Variants in AMZ1 observed in about 807,000 individuals in gnomAD.
The protein encoded by AMZ1 is archaelysin family metallopeptidase 1, also known as archaemetzincin-1.
AMZ1 carries 39 observed loss-of-function variants against 29.9 expected under a neutral mutation model. That is an observed-to-expected ratio of 1.30 (90% CI 1.01 to 1.70). The LOEUF is 1.70. AMZ1 is among the 40% of genes most tolerant of loss of function. The probability of loss-of-function intolerance (pLI) is 0.00; values close to 1 mark genes in which losing one functional copy is unlikely to be tolerated. For synonymous variants in AMZ1, 458 were observed against 304.0 expected (o/e 1.51, Z -5.27); for missense variants, 1,041 against 680.6 (o/e 1.53, Z -5.89).
downstream of AMZ1, among the ~76,000 whole-genome samples, chr7:2,723,719 G>C (rs1301963663): frequency 6.6e-6 from 1 of 152,230 alleles, no homozygotes; most frequent in African/African-American, 2.4e-5. Context: ...CAACGATGGA[G>C]GCCTGCAGGT....
At position 2,728,478 on chromosome 7, in the gene AMZ1, G is replaced by T. The variant is rs11552942; in HGVS notation, n.550+18662G>T. ...AAAATCCTTGAAACAATTTCTCTAC[G>T]AACATAAGAGTTAAAAATAGATTTC... On this transcript the variant is annotated intron_variant and non_coding_transcript_variant, in intron 4 of 4. Coordinates refer to the AMZ1 transcript ENST00000489665. 1,193 of 152,206 alleles carry T rather than the reference G, an allele frequency of 7.8e-3. 9 individuals are homozygous for T. Among genetic ancestry groups the T allele is most frequent in the Middle Eastern group, 0.031 (9 of 294 alleles). 9.4% of individuals were successfully genotyped at this position (152,206 alleles called of 1,614,324 possible). A position where few individuals can be genotyped will look rare whatever the true frequency, so the allele number is the denominator to read the frequency against.
rs925929048 is a variant in AMZ1 at position 2,715,938 on chromosome 7, A to G, written c.*3060A>G. The stretch of plus-strand genomic sequence containing the variant: ...TTCTTTCAGTTTTTAAACACGTGCA[A>G]AGTCCACTGAATTGCTTTCTCGTCT... On this transcript the variant is annotated 3_prime_UTR_variant, in exon 7 of 7. Transcript: ENST00000683327. 1.3e-5 allele frequency: 2 copies of G among 152,192 alleles called. No individual in the cohort carries two copies. Among genetic ancestry groups the G allele is most frequent in the Admixed American group, 6.5e-5 (1 of 15,280 alleles). The allele number at this position is 152,192 out of a possible 1,614,324, so 9.4% of individuals were successfully genotyped here. A position where few individuals can be genotyped will look rare whatever the true frequency, so the allele number is the denominator to read the frequency against.
intron 1 of AMZ1, among the ~76,000 whole-genome samples, chr7:2,694,833 T>C (rs942453184): frequency 4.1e-4 from 63 of 151,992 alleles, no homozygotes; most frequent in African/African-American, 1.5e-3. Flanking sequence ...CCACCACGCC[T>C]GGCTAATTTT....
chr7:2,734,798 C>T (rs1583207814), intron 4 of AMZ1, among the ~76,000 whole-genome samples: 2 of 152,206 alleles, frequency 1.3e-5, no homozygotes, highest in Non-Finnish European at 2.9e-5. Flanking sequence ...CATCCTCCTC[C>T]TCTGTGGCAG....
At chr7:2,703,145 T>C (rs1186192502) in intron 3 of AMZ1, among the ~76,000 whole-genome samples, 1 of 152,050 alleles carries the variant, frequency 6.6e-6, no homozygotes, top group Non-Finnish European at 1.5e-5. Flanking sequence ...AGCGAGCCCT[T>C]CTTTTTTTGT....
chr7:2,752,799 A>C (rs571341057), intron 4 of AMZ1, among the ~76,000 whole-genome samples: 7 of 152,342 alleles, frequency 4.6e-5, no homozygotes, highest in Admixed American at 1.3e-4. Flanking sequence ...AGAGAGGTAT[A>C]GGTGGACCTG....
At chr7:2,741,065 C>A (rs1430803348) in intron 4 of AMZ1, among the ~76,000 whole-genome samples, 1 of 151,800 alleles carries the variant, frequency 6.6e-6, no homozygotes, top group Admixed American at 6.6e-5. Flanking sequence ...AACAAACAAA[C>A]AAACAAATAA....
chr7:2,714,070 A>G lies in AMZ1; in HGVS notation c.*1192A>G, dbSNP rs1788975823. The G allele has an allele frequency of 6.6e-6, 1 of 152,018 alleles. No homozygotes were observed. The highest frequency in any genetic ancestry group is 1.5e-5 in the Non-Finnish European group (1 of 68,006). The allele number at this position is 152,018 out of a possible 1,614,324, so 9.4% of individuals were successfully genotyped here. On this transcript the variant is annotated 3_prime_UTR_variant, in exon 7 of 7. Coordinates refer to ENST00000683327, the MANE Select transcript of AMZ1 (RefSeq NM_001384743.1). Reference sequence around the variant, plus strand: ...CACATTTGATTGTTGTGTCTTCCTGAGGAATTGACCCTTTTATTGTCACAC... The same window carrying G: ...CACATTTGATTGTTGTGTCTTCCTGGGGAATTGACCCTTTTATTGTCACAC...
At chr7:2,764,310 T>C (rs1050234348), upstream of AMZ1, among the ~76,000 whole-genome samples, 2 of 151,544 alleles carry the variant, frequency 1.3e-5, no homozygotes, top group Non-Finnish European at 2.9e-5. Context: ...CTCAAACTCC[T>C]AGGCTGGAGT....
chr7:2,730,401 C>A (rs765734782), intron 4 of AMZ1: 1 of 152,520 alleles, frequency 6.6e-6, no homozygotes, highest in African/African-American at 2.4e-5. Flanking sequence ...CCGTGGGCAT[C>A]CTGTCTCACT....
intron 1 of AMZ1, among the ~76,000 whole-genome samples, chr7:2,689,881 C>T (rs1450328752): frequency 6.6e-6 from 1 of 152,164 alleles, no homozygotes; most frequent in Non-Finnish European, 1.5e-5. Flanking sequence ...AAGGCGGCTC[C>T]CTCCCCGTGG....
upstream of AMZ1, among the ~76,000 whole-genome samples, chr7:2,760,765 CA>C (rs770056462): frequency 3.9e-5 from 6 of 152,372 alleles, no homozygotes; most frequent in Middle Eastern, 3.4e-3. Flanking sequence ...CCTCTAGGGA[CA>C]GCGTCGAGCT....
chr7:2,756,404 C>A (rs113467909), intron 4 of AMZ1, among the ~76,000 whole-genome samples: 5 of 151,950 alleles, frequency 3.3e-5, no homozygotes, highest in African/African-American at 1.2e-4. Context: ...TATAATCCTA[C>A]GAGTTCAAGA....
intron 3 of AMZ1, among the ~76,000 whole-genome samples, chr7:2,705,490 G>A (rs6461534): frequency 0.58 from 88,140 of 151,996 alleles, 25,761 homozygotes; most frequent in East Asian, 0.82. Flanking sequence ...TATAGAGGGC[G>A]GCTCTCTACC....
downstream of AMZ1, among the ~76,000 whole-genome samples, chr7:2,724,099 G>C (rs1453795409): frequency 6.6e-6 from 1 of 151,278 alleles, no homozygotes; most frequent in Non-Finnish European, 1.5e-5. Flanking sequence ...TAGAGATGGG[G>C]AGTGGGGGGG....
At chr7:2,681,343 C>T (rs1786876557) in intron 1 of AMZ1, among the ~76,000 whole-genome samples, 1 of 152,142 alleles carries the variant, frequency 6.6e-6, no homozygotes, top group Admixed American at 6.5e-5. Context: ...CCCACCTCAG[C>T]CTCCTAGGTG....
intron 4 of AMZ1, among the ~76,000 whole-genome samples, chr7:2,757,295 C>T (rs925873558): frequency 5.9e-5 from 9 of 151,840 alleles, no homozygotes; most frequent in African/African-American, 9.7e-5. Flanking sequence ...CCACCATGCC[C>T]GGCTAATTTT....
Position 2,757,129 on chromosome 7 carries a change from C to CTTTTTT in AMZ1, n.551-7564_551-7559dup, listed in dbSNP as rs71026549. Among the ~76,000 whole-genome samples the CTTTTTT allele has an allele frequency of 2.0e-3, 189 of 93,982 alleles. 8 individuals carry two copies. Among genetic ancestry groups the CTTTTTT allele is most frequent in the African/African-American group, 7.6e-3 (174 of 22,996 alleles). 61.7% of individuals were successfully genotyped at this position (93,982 alleles called of 152,430 possible). ...GCAGGCCCGATCTAATCAGGTGGGCCTTTTTTTTTTTTTTTTTTTTTTTTG... is the reference window on the plus strand; with the variant it reads ...GCAGGCCCGATCTAATCAGGTGGGCCTTTTTTTTTTTTTTTTTTTTTTTTTTTTTTG... On this transcript the variant is annotated intron_variant and non_coding_transcript_variant, in intron 4 of 4. Transcript: ENST00000489665.
Position 2,731,277 on chromosome 7 carries a change from G to C in AMZ1, n.550+21461G>C. 6.2e-7 allele frequency: 1 copy of C among 1,611,984 alleles called. No individual in the cohort carries two copies. Among genetic ancestry groups the C allele is most frequent in the Non-Finnish European group, 8.5e-7 (1 of 1,179,242 alleles). Reference sequence around the variant, plus strand: ...CGTTCTCGGTGTCGATGGCGGTGGTGAAGTGGTGGAAGAGTGGCTTGCTGC... The same window carrying C: ...CGTTCTCGGTGTCGATGGCGGTGGTCAAGTGGTGGAAGAGTGGCTTGCTGC... On this transcript the variant is annotated intron_variant and non_coding_transcript_variant, in intron 4 of 4. Coordinates refer to the AMZ1 transcript ENST00000489665. This position sits in a 1 kb window ranked among gnomAD's most constrained non-coding sequence, Gnocchi z 6.0.
Sources: allele counts gnomAD v4.1 joint callset (sites outside exome capture counted in the v4.1 genomes callset), GRCh38; gene constraint gnomAD v4.1.1; non-coding constraint Gnocchi (gnomAD v3.1); transcripts MANE v1.5; gene names NCBI Gene and HGNC (gene_info 2026-07-23, HGNC 2026-07-21).